The following DARS2 variants were observed in gnomAD, a reference collection of about 807,000 sequenced individuals.
The protein encoded by DARS2 is aspartyl-tRNA synthetase 2, mitochondrial, also known as aspartate--tRNA ligase, mitochondrial.
Under a neutral mutation model 83.0 loss-of-function variants are expected in DARS2, and 63 were observed. The observed-to-expected ratio is 0.76, with a 90% confidence interval of 0.62 to 0.94. The LOEUF (loss-of-function observed/expected upper bound fraction) is 0.94. Ranked by LOEUF, DARS2 falls within the 40% of genes least tolerant of loss-of-function variation. DARS2 has a pLI of 0.00. For synonymous variants in DARS2, 250 were observed against 269.3 expected (o/e 0.93, Z 0.70); for missense variants, 675 against 774.4 (o/e 0.87, Z 1.52).
intron 11 of DARS2, among the ~76,000 whole-genome samples, chr1:173,843,953 A>T (rs1295915025): frequency 6.6e-6 from 1 of 152,202 alleles, no homozygotes; most frequent in African/African-American, 2.4e-5. Flanking sequence ...CGAACTCTTA[A>T]GTTTATATGT....
chr1:173,842,904 A>T (rs1571989425), intron 11 of DARS2, among the ~76,000 whole-genome samples: 1 of 148,354 alleles, frequency 6.7e-6, no homozygotes, highest in South Asian at 2.1e-4. Flanking sequence ...ATACCACTGC[A>T]CTCCAGCCTG....
In DARS2 at chr1:173,824,754, C is replaced by G. The variant is rs1211594213; in HGVS notation, c.-476C>G. 1 of 188,252 alleles carries G rather than the reference C, an allele frequency of 5.3e-6. No homozygotes were observed. Among genetic ancestry groups the G allele is most frequent in the Non-Finnish European group, 1.1e-5 (1 of 88,068 alleles). 11.7% of individuals were successfully genotyped at this position (188,252 alleles called of 1,614,324 possible). ...TTTGGCTTTGCTCGCCTTCCTCTTT[C>G]AGAAGACTCGAAATCGGCCAGCAGG... On this transcript the variant is annotated 5_prime_UTR_variant, in exon 1 of 17. Coordinates refer to ENST00000649689, the MANE Select transcript of DARS2 (RefSeq NM_018122.5).
rs1652407549 is a variant in DARS2 at position 173,824,904 on chromosome 1, CGCGCCTGG to C, written c.-325_-318del. On this transcript the variant is annotated 5_prime_UTR_variant, in exon 1 of 17. Coordinates refer to ENST00000649689, the MANE Select transcript of DARS2 (RefSeq NM_018122.5). ...TGACCGCCTCTGGTTGTCTTGGGCT[CGCGCCTGG>C]CGCCGCTACGTGGAGTCGCTCTCTC... 2.8e-6 allele frequency: 1 copy of C among 355,554 alleles called. No individual in the cohort carries two copies. Among genetic ancestry groups the C allele is most frequent in the African/African-American group, 2.1e-5 (1 of 46,866 alleles). The allele number at this position is 355,554 out of a possible 1,614,324, so 22.0% of individuals were successfully genotyped here.
intron 11 of DARS2, among the ~76,000 whole-genome samples, chr1:173,843,327 G>A (rs6696381): frequency 6.6e-6 from 1 of 152,092 alleles, no homozygotes; most frequent in African/African-American, 2.4e-5. Flanking sequence ...TTGGGAGGCT[G>A]AGGCGGGCGG....
At chr1:173,844,190 A>G (rs1653333351) in intron 11 of DARS2, among the ~76,000 whole-genome samples, 1 of 152,222 alleles carries the variant, frequency 6.6e-6, no homozygotes, top group Non-Finnish European at 1.5e-5. Flanking sequence ...ATAATGTCTC[A>G]CTTGAAAGAC....
At chr1:173,829,853 G>A (rs1417659030) in intron 3 of DARS2, among the ~76,000 whole-genome samples, 2 of 151,820 alleles carry the variant, frequency 1.3e-5, no homozygotes, top group Admixed American at 6.6e-5. Context: ...GGTTGCAGTG[G>A]GCCGAGATCA....
chr1:173,837,893 C>T (rs1653062227), intron 8 of DARS2, among the ~76,000 whole-genome samples: 1 of 151,980 alleles, frequency 6.6e-6, no homozygotes. Flanking sequence ...CCTGCCCTTG[C>T]CTCCCGAGTA....
chr1:173,851,525 G>A (rs1159991091), intron 13 of DARS2, among the ~76,000 whole-genome samples: 2 of 152,122 alleles, frequency 1.3e-5, no homozygotes, highest in African/African-American at 4.8e-5. Context: ...GACCAACTTG[G>A]TCAAAGTGGG....
At position 173,839,470 on chromosome 1, in the gene DARS2, CT is replaced by C. The variant is rs1085307776; in HGVS notation, c.948del (p.Pro317LeufsTer3). On this transcript the variant is annotated frameshift_variant, in exon 10 of 17. Transcript: ENST00000649689. LOFTEE classifies it high-confidence loss of function. The stretch of plus-strand genomic sequence containing the variant: ...AATGACAAAGATCCTGTGGTTGTTC[CT>C]TTTCCTACTATGACTTTTGCTGAGG... ...WPNDKDPVVV[P>X]FPTMTFAEVL... is the part of the protein sequence containing the mutation. 8 of 1,614,132 alleles carry C rather than the reference CT, an allele frequency of 5.0e-6. No homozygotes were observed. Among genetic ancestry groups the C allele is most frequent in the Non-Finnish European group, 6.8e-6 (8 of 1,180,016 alleles).
rs751828044 is a variant in DARS2 at position 173,825,278 on chromosome 1, C to A, written c.49C>A (p.Pro17Thr). The A allele has an allele frequency of 1.2e-6, 2 of 1,613,630 alleles. No individual in the cohort carries two copies. The highest frequency in any genetic ancestry group is 1.1e-5 in the South Asian group (1 of 91,082). ...LSQLYRGLSRPIRRTTQPIWG... is the reference protein window; with the variant it reads ...LSQLYRGLSRTIRRTTQPIWG... ...TCAGCTGTACAGGGGTTTATCCAGACCCATCAGAAGGACCACCCAACCGAT... is the reference window on the plus strand; with the variant it reads ...TCAGCTGTACAGGGGTTTATCCAGAACCATCAGAAGGACCACCCAACCGAT... The change falls in exon 1 of 17, where the codon CCC (proline) becomes ACC (threonine). Residue 17 changes from proline to threonine, a missense_variant. Pro to Thr is a conservative substitution (Grantham distance 38). Coordinates refer to ENST00000649689, the MANE Select transcript of DARS2 (RefSeq NM_018122.5).
chr1:173,846,006 A>T (rs1653420444), intron 12 of DARS2, among the ~76,000 whole-genome samples: 1 of 152,080 alleles, frequency 6.6e-6, no homozygotes, highest in Admixed American at 6.5e-5. Flanking sequence ...AAATACAAAA[A>T]AATTAGCTGG....
intron 6 of DARS2, 53 bp from the exon 7 acceptor site, chr1:173,834,420 A>G (rs1290277586): frequency 2.2e-6 from 3 of 1,361,486 alleles, no homozygotes; most frequent in Non-Finnish European, 3.2e-6. Flanking sequence ...GACATCATAT[A>G]TGACAAATTT....
chr1:173,851,059 G>C (rs886547890), intron 13 of DARS2, among the ~76,000 whole-genome samples: 1 of 151,866 alleles, frequency 6.6e-6, no homozygotes, highest in African/African-American at 2.4e-5. Flanking sequence ...TCAACGTGGT[G>C]AAACATCATC....
Position 173,853,530 on chromosome 1 carries a change from C to A in DARS2, c.1526C>A (p.Pro509His), listed in dbSNP as rs751220102. ...CACCACCCATTTACTGCTCCCCACC[C>A]CAGTGACATACATCTCCTGTACACT... ...SAHHPFTAPHPSDIHLLYTEP... is the reference protein window; with the variant it reads ...SAHHPFTAPHHSDIHLLYTEP... Residue 509 changes from proline (P) to histidine (H), a missense_variant, in exon 14 of 17, where the codon CCC becomes CAC. Transcript: ENST00000649689. 5.0e-6 allele frequency: 8 copies of A among 1,613,944 alleles called. No homozygotes were observed. The African/African-American group carries it at 1.1e-4, about 22-fold the overall frequency.
intron 3 of DARS2, among the ~76,000 whole-genome samples, chr1:173,829,182 G>A (rs1652700619): frequency 6.6e-6 from 1 of 151,138 alleles, no homozygotes; most frequent in Non-Finnish European, 1.5e-5. Flanking sequence ...AAAACTGGGG[G>A]AAGGATGCAG....
At chr1:173,849,288 C>A (rs1653556989) in intron 12 of DARS2, among the ~76,000 whole-genome samples, 1 of 151,710 alleles carries the variant, frequency 6.6e-6, no homozygotes, top group Admixed American at 6.6e-5. Flanking sequence ...AATCCCAGCA[C>A]TTTGGGAGGC....
chr1:173,845,206 T>G (rs748913561), intron 11 of DARS2, 23 bp from the exon 12 acceptor site: 1 of 1,463,008 alleles, frequency 6.8e-7, no homozygotes, highest in Non-Finnish European at 9.6e-7. Context: ...CTGACAAGTT[T>G]ACTTTGATTT....
At chr1:173,837,140 A>C in intron 8 of DARS2, 94 bp downstream of exon 8, 1 of 1,135,818 alleles carries the variant, frequency 8.8e-7, no homozygotes, top group Non-Finnish European at 1.3e-6. Context: ...TCTCAAGAGA[A>C]GGATAGAAAA....
intron 13 of DARS2, among the ~76,000 whole-genome samples, chr1:173,850,839 AGGCAGTCCACC>A (rs1221925172): frequency 6.6e-6 from 1 of 151,854 alleles, no homozygotes; most frequent in Non-Finnish European, 1.5e-5. Flanking sequence ...TCCTCAGCTT[AGGCAGTCCACC>A]CGCCGCAGCC....
Sources: gnomAD v4.1 joint callset for allele counts (sites outside exome capture counted in the v4.1 genomes callset) on GRCh38, gnomAD v4.1.1 for gene constraint, MANE v1.5 for transcripts, NCBI Gene and HGNC (gene_info 2026-07-23, HGNC 2026-07-21) for gene names.